TTLL11: variants seen among roughly 807,000 people sequenced by gnomAD.
TTLL11 encodes tubulin tyrosine ligase like 11, also known as tubulin polyglutamylase TTLL11.
In TTLL11, 42 loss-of-function variants were observed where a neutral mutation model predicts 51.7. The observed-to-expected ratio is 0.81, with a 90% CI of 0.64 to 1.05. The LOEUF (loss-of-function observed/expected upper bound fraction) is 1.05. Ranked by LOEUF, TTLL11 falls within the 50% of genes least tolerant of loss-of-function variation. The pLI is 0.00. For missense variants in TTLL11, 799 were observed against 940.4 expected (o/e 0.85, Z 1.97); for synonymous variants, 381 against 383.5 (o/e 0.99, Z 0.08).
intron 6 of TTLL11, among the ~76,000 whole-genome samples, chr9:121,970,784 A>G (rs2131645338): frequency 6.6e-6 from 1 of 152,358 alleles, no homozygotes; most frequent in East Asian, 1.9e-4. Flanking sequence ...TGTGGAAGAC[A>G]GTGTGGCGAT....
intron 3 of TTLL11, among the ~76,000 whole-genome samples, chr9:122,017,472 CTT>C (rs146107264): frequency 2.0e-4 from 25 of 127,750 alleles, no homozygotes; most frequent in Admixed American, 2.4e-4. Flanking sequence ...CAGGGTGAGG[CTT>C]TTTTTTTTTT....
intron 1 of TTLL11, among the ~76,000 whole-genome samples, chr9:122,043,965 G>A (rs908558503): frequency 8.6e-5 from 13 of 151,930 alleles, no homozygotes; most frequent in African/African-American, 1.7e-4. Flanking sequence ...CCATTAACTC[G>A]TCATTTAGTA....
Position 122,010,834 on chromosome 9 carries a change from G to A in TTLL11, c.693+20889C>T, listed in dbSNP as rs147895091. ...TAGTTTACATGATAGTTAAAAATAT[G>A]GCTTTCAGTGTCTGATAGGTCATGA... is the stretch of plus-strand genomic sequence containing the variant. On this transcript the variant is annotated intron_variant, in intron 3 of 8. Transcript: ENST00000321582. 2.5e-3 allele frequency among the ~76,000 whole-genome samples: 388 copies of A among 152,274 alleles called. 2 individuals are homozygous for A. The highest frequency in any genetic ancestry group is 8.9e-3 in the African/African-American group (370 of 41,556).
At chr9:121,964,233 T>G (rs903532338) in intron 6 of TTLL11, among the ~76,000 whole-genome samples, 1 of 151,964 alleles carries the variant, frequency 6.6e-6, no homozygotes, top group Non-Finnish European at 1.5e-5. Context: ...GACACATTCA[T>G]TAGAGGAGAG....
chr9:121,905,180 T>C (rs115623175), intron 6 of TTLL11, among the ~76,000 whole-genome samples: 1 of 152,152 alleles, frequency 6.6e-6, no homozygotes, highest in African/African-American at 2.4e-5. Flanking sequence ...AAATGAAAAA[T>C]ATAGAACTAT....
intron 1 of TTLL11, among the ~76,000 whole-genome samples, chr9:122,077,334 T>C (rs1845889564): frequency 6.6e-6 from 1 of 152,166 alleles, no homozygotes. Context: ...AACGCATATA[T>C]GTTGGAAGTG....
At chr9:121,991,767 G>C (rs577920772) in intron 3 of TTLL11, among the ~76,000 whole-genome samples, 1 of 152,126 alleles carries the variant, frequency 6.6e-6, no homozygotes, top group South Asian at 2.1e-4. Flanking sequence ...TACAAATCAA[G>C]ATTATTAATA....
intron 3 of TTLL11, among the ~76,000 whole-genome samples, chr9:121,994,444 C>T (rs1215729250): frequency 6.6e-6 from 1 of 152,188 alleles, no homozygotes; most frequent in African/African-American, 2.4e-5. Flanking sequence ...GTTCTAAGCA[C>T]TTTGGAGGTA....
At chr9:121,894,494 A>C (rs982499239) in intron 6 of TTLL11, among the ~76,000 whole-genome samples, 1 of 152,160 alleles carries the variant, frequency 6.6e-6, no homozygotes, top group Non-Finnish European at 1.5e-5. Context: ...CTTGGAACCA[A>C]CCCAAATTCC....
rs1838838881 is a variant in TTLL11 at position 121,882,555 on chromosome 9, C to A, written c.1482-11807G>T. ...TGCACTCTCTGTGGTGTTTTTCCAA[C>A]CTCTGTTTTCCCTCCTCTAGGACCC... On this transcript the variant is annotated intron_variant, in intron 6 of 8. Coordinates refer to ENST00000321582, the MANE Select transcript of TTLL11 (RefSeq NM_001139442.2). 2.0e-5 allele frequency among the ~76,000 whole-genome samples: 3 copies of A among 152,200 alleles called. 1 individual carries two copies. The highest frequency in any genetic ancestry group is 2.0e-4 in the Admixed American group (3 of 15,280).
At chr9:121,952,689 C>A (rs1841888963) in intron 6 of TTLL11, among the ~76,000 whole-genome samples, 1 of 152,110 alleles carries the variant, frequency 6.6e-6, no homozygotes, top group South Asian at 2.1e-4. Context: ...AATTTGGAGA[C>A]ACTGGCAAAC....
rs1185349749 is a variant in TTLL11 at position 121,974,032 on chromosome 9, T to C, written c.1458A>G (p.Pro486=). The C allele has an allele frequency of 9.7e-6, 15 of 1,551,558 alleles. No homozygotes were observed. Among genetic ancestry groups the C allele is most frequent in the Admixed American group, 3.9e-5 (2 of 50,974 alleles). ...ACTGATTCTCTCTTTTCTTCTTAAG[T>C]GGGTCCATGAGGCGCAGAGTGTCTC... ...VIRDTLRLMD[P]LKKKRENQSQ... is the part of the protein sequence containing the mutation. The change falls in exon 6 of 9, where the codon CCA becomes CCG. Residue 486 remains proline (P), a synonymous_variant. Transcript: ENST00000321582.
chr9:121,898,532 G>A (rs1839633681), intron 6 of TTLL11, among the ~76,000 whole-genome samples: 1 of 152,246 alleles, frequency 6.6e-6, no homozygotes, highest in Admixed American at 6.5e-5. Context: ...AGGCCTGGAA[G>A]GCAAAATGGC....
At chr9:121,860,913 T>C (rs899468787) in intron 7 of TTLL11, among the ~76,000 whole-genome samples, 1 of 152,186 alleles carries the variant, frequency 6.6e-6, no homozygotes, top group South Asian at 2.1e-4. Flanking sequence ...GGGTCTGGAA[T>C]GTCCTCCCTT....
chr9:121,944,584 C>T (rs183139866), intron 6 of TTLL11, among the ~76,000 whole-genome samples: 6 of 152,182 alleles, frequency 3.9e-5, no homozygotes, highest in Non-Finnish European at 8.8e-5. Context: ...ACATAATATA[C>T]TTAAGCTATA....
intron 8 of TTLL11, among the ~76,000 whole-genome samples, chr9:121,856,167 G>A (rs1282654030): frequency 6.6e-6 from 1 of 152,218 alleles, no homozygotes; most frequent in Non-Finnish European, 1.5e-5. Context: ...GAACTCTTGA[G>A]TGCAAGCAAT....
At chr9:122,083,739 G>C (rs1434967368) in intron 1 of TTLL11, among the ~76,000 whole-genome samples, 1 of 152,122 alleles carries the variant, frequency 6.6e-6, no homozygotes, top group African/African-American at 2.4e-5. Flanking sequence ...GAACCCGGGA[G>C]GCAGAGGTTG....
intron 3 of TTLL11, among the ~76,000 whole-genome samples, chr9:122,021,428 G>C (rs933793942): frequency 6.6e-6 from 1 of 152,172 alleles, no homozygotes; most frequent in Non-Finnish European, 1.5e-5. Flanking sequence ...CAGCATGCAC[G>C]TGAGGAAACT....
At chr9:122,084,276 A>G (rs1032229589) in intron 1 of TTLL11, among the ~76,000 whole-genome samples, 18 of 152,316 alleles carry the variant, frequency 1.2e-4, no homozygotes, top group African/African-American at 4.3e-4. Context: ...ATGACAGAGA[A>G]GCATATGGGA....
Sources: gnomAD v4.1 joint callset for allele counts (sites outside exome capture counted in the v4.1 genomes callset) on GRCh38, gnomAD v4.1.1 for gene constraint, MANE v1.5 for transcripts, NCBI Gene and HGNC (gene_info 2026-07-23, HGNC 2026-07-21) for gene names.